Variants in HNF1A observed in about 807,000 individuals in gnomAD.
The protein encoded by HNF1A is HNF1 homeobox A.
HNF1A carries 21 observed loss-of-function variants against 62.2 expected under a neutral mutation model. The observed-to-expected ratio is 0.34, with a 90% CI of 0.24 to 0.49. The LOEUF (loss-of-function observed/expected upper bound fraction) is 0.49. HNF1A is among the 20% of genes least tolerant of loss of function. HNF1A has a pLI of 0.99. For missense variants in HNF1A, 687 were observed against 832.3 expected (o/e 0.83, Z 2.15); for synonymous variants, 374 against 366.8 (o/e 1.02, Z -0.22).
rs778074427 is a variant in HNF1A at position 120,994,225 on chromosome 12, G to A, written c.775G>A (p.Val259Ile). 21 of 1,613,458 alleles carry A rather than the reference G, an allele frequency of 1.3e-5. No homozygotes were observed. The highest frequency in any genetic ancestry group is 5.5e-5 in the South Asian group (5 of 90,944). ...SQAQGLGSNL[V>I]TEVRVYNWFA... ...GGCACAGGGGCTGGGCTCCAACCTC[G>A]TCACGGAGGTGCGTGTCTACAACTG... is the stretch of plus-strand genomic sequence containing the variant. Residue 259 changes from valine (V) to isoleucine (I), a missense_variant, in exon 4 of 10, where the codon GTC becomes ATC. This residue lies in a region of HNF1A where 47 missense variants were observed against 109.4 expected (regional missense o/e 0.43). Coordinates refer to ENST00000257555, the MANE Select transcript of HNF1A (RefSeq NM_000545.8).
At chr12:120,994,037 T>A (rs779435006) in intron 3 of HNF1A, 127 bp from the exon 4 acceptor site, 4 of 1,317,318 alleles carry the variant, frequency 3.0e-6, no homozygotes, top group Non-Finnish European at 4.2e-6. Context: ...AGACCTGGCA[T>A]TGGAACCCAG....
intron 6 of HNF1A, 96 bp from the exon 7 acceptor site, chr12:120,997,378 G>T (rs3213547): frequency 0.027 from 37,331 of 1,398,936 alleles, 1,349 homozygotes; most frequent in East Asian, 0.17. Flanking sequence ...TCCAAACCAC[G>T]GGCTCTGGGA....
At chr12:120,994,604 C>T (rs1475310106) in intron 4 of HNF1A, among the ~76,000 whole-genome samples, 199 bp downstream of exon 4, 1 of 151,498 alleles carries the variant, frequency 6.6e-6, no homozygotes, top group Non-Finnish European at 1.5e-5. Context: ...CTCCTTTCCA[C>T]TCTATTCACT....
chr12:120,980,170 T>C (rs2135821704), intron 1 of HNF1A, among the ~76,000 whole-genome samples: 1 of 152,298 alleles, frequency 6.6e-6, no homozygotes, highest in South Asian at 2.1e-4. Context: ...ATGGGGAAAC[T>C]GGGGCTTAGA....
intron 1 of HNF1A, among the ~76,000 whole-genome samples, chr12:120,987,432 G>T: frequency 7.0e-6 from 1 of 143,146 alleles, no homozygotes; most frequent in African/African-American, 2.6e-5. Context: ...CCGAGATCGC[G>T]CCACTGCACT....
At chr12:120,987,928 C>A (rs1029421161) in intron 1 of HNF1A, among the ~76,000 whole-genome samples, 2 of 152,066 alleles carry the variant, frequency 1.3e-5, no homozygotes, top group Non-Finnish European at 2.9e-5. Context: ...ATTGGAGAAT[C>A]CATATTTCTT....
Position 120,994,148 on chromosome 12 carries a change from G to A in HNF1A, c.714-16G>A, listed in dbSNP as rs1168340676. On this transcript the variant is annotated splice_polypyrimidine_tract_variant and intron_variant, in intron 3 of 9. Coordinates refer to ENST00000257555, the MANE Select transcript of HNF1A (RefSeq NM_000545.8). ...CTGAGCCTGGCCTGGAGGCTCATGGGTGGCTATTTCTGCAGGGCGGAATGC... is the reference window on the plus strand; with the variant it reads ...CTGAGCCTGGCCTGGAGGCTCATGGATGGCTATTTCTGCAGGGCGGAATGC... The A allele has an allele frequency of 6.2e-7, 1 of 1,611,374 alleles. No homozygotes were observed.
chr12:120,983,579 T>G (rs1323347015), intron 1 of HNF1A, among the ~76,000 whole-genome samples: 2 of 150,956 alleles, frequency 1.3e-5, no homozygotes, highest in African/African-American at 2.4e-5. Context: ...GGAGTCTCAC[T>G]CTGTTGCTGG....
rs752230220 is a variant in HNF1A at position 120,999,519 on chromosome 12, G to A, written c.1660G>A (p.Gly554Arg). The change falls in exon 9 of 10, where the codon GGG becomes AGG. Residue 554 changes from glycine to arginine, a missense_variant. Transcript: ENST00000257555. ...AGACACTGAGGCCTCCAGTGAGTCC[G>A]GGCTTCACACGCCGGCATCTCAGGC... Reference protein sequence around the residue: ...TSDTEASSESGLHTPASQATT... With the variant: ...TSDTEASSESRLHTPASQATT... 21 of 1,613,370 alleles carry A rather than the reference G, an allele frequency of 1.3e-5. 1 individual carries two copies. The Admixed American group carries it at 1.5e-4, about 12-fold the overall frequency.
At chr12:120,979,634 A>T (rs1876146620) in intron 1 of HNF1A, 1 of 158,544 alleles carries the variant, frequency 6.3e-6, no homozygotes, top group South Asian at 1.8e-4. Flanking sequence ...CAGAGCCTCG[A>T]GGTGGGAGCT....
In HNF1A at chr12:120,999,375, A is replaced by G. The variant is rs1333908576; in HGVS notation, c.1609A>G (p.Thr537Ala). The change falls in exon 8 of 10, where the codon ACG becomes GCG. Residue 537 changes from threonine to alanine, a missense_variant. Coordinates refer to ENST00000257555, the MANE Select transcript of HNF1A (RefSeq NM_000545.8). ...CAACCTGAGCGCCCTGGCCAGCCTC[A>G]CGCCCACCAAGCAGGTAAGGTCCAG... is the stretch of plus-strand genomic sequence containing the variant. ...TTNLSALASL[T>A]PTKQVFTSDT... 1.2e-6 allele frequency: 2 copies of G among 1,613,488 alleles called. No homozygotes were observed.
Position 120,994,325 on chromosome 12 carries a change from G to T in HNF1A, c.875G>T (p.Gly292Val). Residue 292 changes from glycine to valine, a missense_variant, in exon 4 of 10, where the codon GGG becomes GTG. Around this residue, in one of 5 missense-constraint regions of HNF1A, gnomAD observed 408 missense variants for 455.3 expected, o/e 0.90. Coordinates refer to ENST00000257555, the MANE Select transcript of HNF1A (RefSeq NM_000545.8). ...GACACGTACAGCGGGCCCCCCCCAGGGCCAGGCCCGGGACCTGCGCTGCCC... is the reference window on the plus strand; with the variant it reads ...GACACGTACAGCGGGCCCCCCCCAGTGCCAGGCCCGGGACCTGCGCTGCCC... ...AMDTYSGPPPGPGPGPALPAH... is the reference protein window; with the variant it reads ...AMDTYSGPPPVPGPGPALPAH... 1 of 1,608,762 alleles carries T rather than the reference G, an allele frequency of 6.2e-7. No individual in the cohort carries two copies. The highest frequency in any genetic ancestry group is 1.1e-5 in the South Asian group (1 of 90,276).
intron 4 of HNF1A, among the ~76,000 whole-genome samples, chr12:120,995,135 A>G (rs936157054): frequency 6.7e-6 from 1 of 148,902 alleles, no homozygotes; most frequent in African/African-American, 2.5e-5. Flanking sequence ...CATCCCATCC[A>G]CTACATTCAA....
intron 4 of HNF1A, among the ~76,000 whole-genome samples, chr12:120,995,483 CAT>C (rs898436467): frequency 2.6e-5 from 4 of 152,180 alleles, no homozygotes; most frequent in East Asian, 1.9e-4. Flanking sequence ...ATTCACTCCA[CAT>C]GACTCCACAT....
intron 2 of HNF1A, among the ~76,000 whole-genome samples, chr12:120,990,167 A>G (rs1876743745): frequency 6.6e-6 from 1 of 151,798 alleles, no homozygotes; most frequent in Non-Finnish European, 1.5e-5. Context: ...TTTGAGACAG[A>G]GTCTCACTCT....
In HNF1A at chr12:120,996,826, A is replaced by ACT; in HGVS notation, c.1309+86_1309+87dup. 6.6e-7 allele frequency: 1 copy of ACT among 1,511,078 alleles called. No individual in the cohort carries two copies. The allele number at this position is 1,511,078 out of a possible 1,614,324, so 93.6% of individuals were successfully genotyped here. ...TCCAGGAGCTGGAAGAGCCACTGGG[A>ACT]CTCATTCATTCATTCATACAACATG... On this transcript the variant is annotated intron_variant, in intron 6 of 9. Coordinates refer to ENST00000257555, the MANE Select transcript of HNF1A (RefSeq NM_000545.8). The surrounding 1 kb of genome is among the most constrained non-coding windows in gnomAD (Gnocchi z 4.5).
At chr12:120,989,794 G>T (rs1351518978) in intron 2 of HNF1A, among the ~76,000 whole-genome samples, 2 of 152,198 alleles carry the variant, frequency 1.3e-5, no homozygotes, top group African/African-American at 4.8e-5. Flanking sequence ...CCTCAGGAAG[G>T]CAGAGGTATC....
chr12:120,986,101 A>G (rs1876497890), intron 1 of HNF1A, among the ~76,000 whole-genome samples: 1 of 152,034 alleles, frequency 6.6e-6, no homozygotes, highest in Admixed American at 6.6e-5. Flanking sequence ...CATCCCCAGC[A>G]CCCCGTTCTC....
At chr12:120,991,659 G>T (rs745358370) in intron 2 of HNF1A, among the ~76,000 whole-genome samples, 2 of 151,984 alleles carry the variant, frequency 1.3e-5, no homozygotes, top group African/African-American at 4.8e-5. Flanking sequence ...ATGCATGCAT[G>T]CAATAGACAA....
Sources: allele counts gnomAD v4.1 joint callset (sites outside exome capture counted in the v4.1 genomes callset), GRCh38; gene constraint gnomAD v4.1.1; regional missense constraint gnomAD v4.1.1; non-coding constraint Gnocchi (gnomAD v3.1); transcripts MANE v1.5; gene names NCBI Gene and HGNC (gene_info 2026-07-23, HGNC 2026-07-21).